UBE2W: variants seen among roughly 807,000 people sequenced by gnomAD.
UBE2W encodes the protein ubiquitin conjugating enzyme E2 W.
Under a neutral mutation model 27.2 loss-of-function variants are expected in UBE2W, and 18 were observed. The observed-to-expected ratio is 0.66, with a 90% confidence interval of 0.46 to 0.98. The LOEUF (loss-of-function observed/expected upper bound fraction) is 0.98, where lower values mean the gene tolerates loss of function less well. Ranked by LOEUF, UBE2W falls within the 50% of genes least tolerant of loss-of-function variation. The pLI is 0.00. For synonymous variants in UBE2W, 53 were observed against 57.2 expected (o/e 0.93, Z 0.33); for missense variants, 90 against 180.2 (o/e 0.50, Z 2.87).
intron 1 of UBE2W, among the ~76,000 whole-genome samples, chr8:73,839,733 T>G (rs550647018): frequency 2.0e-5 from 3 of 149,502 alleles, no homozygotes; most frequent in Non-Finnish European, 4.5e-5. Context: ...TTGGTTTTTT[T>G]TTTTTTTTTT....
intron 5 of UBE2W, chr8:73,795,826 A>C (rs1221533261): frequency 1.0e-6 from 1 of 978,602 alleles, no homozygotes; most frequent in African/African-American, 1.8e-5. Context: ...TCACGCCTGT[A>C]ATTCCAGCAT....
chr8:73,825,774 C>T (rs1466795127), intron 2 of UBE2W, among the ~76,000 whole-genome samples: 1 of 152,188 alleles, frequency 6.6e-6, no homozygotes, highest in African/African-American at 2.4e-5. Context: ...GCACTCCAGC[C>T]TGGGCTACAG....
intron 1 of UBE2W, among the ~76,000 whole-genome samples, chr8:73,865,222 A>C (rs1811704742): frequency 6.7e-6 from 1 of 149,438 alleles, no homozygotes; most frequent in Non-Finnish European, 1.5e-5. Flanking sequence ...TGCGAGTATC[A>C]ATTTTAGGGT....
At chr8:73,823,581 T>C (rs1006198096) in intron 3 of UBE2W, among the ~76,000 whole-genome samples, 1 of 152,204 alleles carries the variant, frequency 6.6e-6, no homozygotes, top group African/African-American at 2.4e-5. Context: ...GAAATGATGC[T>C]GGCCAGCCAG....
intron 1 of UBE2W, among the ~76,000 whole-genome samples, chr8:73,832,583 A>G (rs534928007): frequency 1.1e-4 from 17 of 152,368 alleles, no homozygotes; most frequent in African/African-American, 3.8e-4. Context: ...ACGAATAGGC[A>G]GTTACCTATA....
In UBE2W at chr8:73,825,198, T is replaced by A. The variant is rs749882570; in HGVS notation, c.159A>T (p.Lys53Asn). ...TACTAAATTTAAATAGAAGTTGAAA[T>A]TTTTCCCCTTCATATAAGGTACCTG... ...GAPGTLYEGEKFQLLFKFSSR... is the reference protein window; with the variant it reads ...GAPGTLYEGENFQLLFKFSSR... Residue 53 changes from lysine (K) to asparagine (N), a missense_variant, in exon 3 of 6, where the codon AAA (lysine) becomes AAT (asparagine). Transcript: ENST00000602593. 5.8e-6 allele frequency: 9 copies of A among 1,563,826 alleles called. No homozygotes were observed. The highest frequency in any genetic ancestry group is 3.3e-4 in the Middle Eastern group (2 of 6,022).
Position 73,788,080 on chromosome 8 carries a change from AAG to A in UBE2W, c.*6020_*6021del. The stretch of plus-strand genomic sequence containing the variant: ...AAATACTTTTACGTCATAAACCAAA[AAG>A]AGGTCTGGTATCTATCCCATTTAGT... On this transcript the variant is annotated 3_prime_UTR_variant, in exon 6 of 6. Coordinates refer to ENST00000602593, the MANE Select transcript of UBE2W (RefSeq NM_018299.6). 1.0e-6 allele frequency: 1 copy of A among 984,842 alleles called. No homozygotes were observed. The highest frequency in any genetic ancestry group is 4.7e-5 in the South Asian group (1 of 21,270). 61.0% of individuals were successfully genotyped at this position (984,842 alleles called of 1,614,324 possible). A position where few individuals can be genotyped will look rare whatever the true frequency, so the allele number is the denominator to read the frequency against.
intron 1 of UBE2W, among the ~76,000 whole-genome samples, chr8:73,845,430 C>T (rs984132211): frequency 2.6e-5 from 4 of 152,140 alleles, no homozygotes; most frequent in African/African-American, 9.7e-5. Context: ...CTCTCTGAAA[C>T]ATGTGCTGTG....
chr8:73,786,883 A>G lies in UBE2W; in HGVS notation c.*7219T>C. 2 of 985,410 alleles carry G rather than the reference A, an allele frequency of 2.0e-6. No homozygotes were observed. The highest frequency in any genetic ancestry group is 2.4e-6 in the Non-Finnish European group (2 of 829,896). 61.0% of individuals were successfully genotyped at this position (985,410 alleles called of 1,614,324 possible). A position where few individuals can be genotyped will look rare whatever the true frequency, so the allele number is the denominator to read the frequency against. On this transcript the variant is annotated 3_prime_UTR_variant, in exon 6 of 6. Transcript: ENST00000602593. ...ATGTCATTAAATTATAACAGGATAA[A>G]AGAAATATGTTTTCATTGAGGTATG...
intron 1 of UBE2W, among the ~76,000 whole-genome samples, chr8:73,847,168 C>G (rs1440510268): frequency 6.6e-6 from 1 of 151,624 alleles, no homozygotes; most frequent in Non-Finnish European, 1.5e-5. Context: ...GACTCTGTCT[C>G]AAAAAACAAC....
At chr8:73,819,474 T>C (rs1809522601) in intron 3 of UBE2W, among the ~76,000 whole-genome samples, 1 of 152,198 alleles carries the variant, frequency 6.6e-6, no homozygotes, top group Non-Finnish European at 1.5e-5. Context: ...CTTTTAAAAC[T>C]CTGTACTCTC....
At chr8:73,866,322 C>A (rs1811772708) in intron 1 of UBE2W, among the ~76,000 whole-genome samples, 1 of 100,540 alleles carries the variant, frequency 9.9e-6, no homozygotes, top group Non-Finnish European at 2.1e-5. Flanking sequence ...TATATATACT[C>A]AGCAATATTT....
At chr8:73,850,719 G>T in intron 1 of UBE2W, among the ~76,000 whole-genome samples, 1 of 96,354 alleles carries the variant, frequency 1.0e-5, no homozygotes, top group Admixed American at 1.6e-4. Flanking sequence ...ACAATCAGCA[G>T]GACATTAAAA....
At chr8:73,836,343 T>A (rs1315156719) in intron 1 of UBE2W, among the ~76,000 whole-genome samples, 2 of 152,184 alleles carry the variant, frequency 1.3e-5, no homozygotes, top group Non-Finnish European at 2.9e-5. Context: ...GGCCAGCATT[T>A]GGGGGGTTAA....
chr8:73,813,996 G>C (rs1809282883), intron 3 of UBE2W, among the ~76,000 whole-genome samples: 1 of 152,078 alleles, frequency 6.6e-6, no homozygotes, highest in African/African-American at 2.4e-5. Flanking sequence ...GCCTCCCAAA[G>C]TGCTGGGGTT....
Position 73,788,961 on chromosome 8 carries a change from A to C in UBE2W, c.*5141T>G, listed in dbSNP as rs1808077237. 1.0e-6 allele frequency: 1 copy of C among 983,480 alleles called. No individual in the cohort carries two copies. The highest frequency in any genetic ancestry group is 1.7e-5 in the African/African-American group (1 of 57,178). 60.9% of individuals were successfully genotyped at this position (983,480 alleles called of 1,614,324 possible). A position where few individuals can be genotyped will look rare whatever the true frequency, so the allele number is the denominator to read the frequency against. On this transcript the variant is annotated 3_prime_UTR_variant, in exon 6 of 6. Coordinates refer to ENST00000602593, the MANE Select transcript of UBE2W (RefSeq NM_018299.6). Reference sequence around the variant, plus strand: ...AATACCCTCAGATATTTTATTAACAAAAAATTTTTCATAAAAAAATAGTCA... The same window carrying C: ...AATACCCTCAGATATTTTATTAACACAAAATTTTTCATAAAAAAATAGTCA...
At chr8:73,839,521 G>A (rs1810447858) in intron 1 of UBE2W, among the ~76,000 whole-genome samples, 1 of 151,662 alleles carries the variant, frequency 6.6e-6, no homozygotes, top group Non-Finnish European at 1.5e-5. Context: ...GCCGGGCATG[G>A]TGGCACATGC....
rs1808871552 is a variant in UBE2W, at chr8:73,805,667, T to C, written c.426A>G (p.Thr142=). 5 of 1,547,198 alleles carry C rather than the reference T, an allele frequency of 3.2e-6. No homozygotes were observed. Among genetic ancestry groups the C allele is most frequent in the Non-Finnish European group, 4.4e-6 (5 of 1,141,986 alleles). The change falls in exon 5 of 6, where the codon ACA becomes ACG. Residue 142 remains threonine, a synonymous_variant. Coordinates refer to ENST00000602593, the MANE Select transcript of UBE2W (RefSeq NM_018299.6). ...VRTCNKNPKK[T]KWWYHDDTC The stretch of plus-strand genomic sequence containing the variant: ...ACTGCTTACCATGATACCACCATTT[T>C]GTTTTCTTTGGATTCTTGTTACATG...
intron 3 of UBE2W, among the ~76,000 whole-genome samples, chr8:73,813,747 A>G (rs558801702): frequency 1.5e-5 from 2 of 137,054 alleles, no homozygotes; most frequent in African/African-American, 7.0e-5. Context: ...GTTTCCACAG[A>G]TGGTTTTTTT....
Sources: allele counts gnomAD v4.1 joint callset (sites outside exome capture counted in the v4.1 genomes callset), GRCh38; gene constraint gnomAD v4.1.1; transcripts MANE v1.5; gene names NCBI Gene and HGNC (gene_info 2026-07-23, HGNC 2026-07-21).